SLC16A1: variants seen among roughly 807,000 people sequenced by gnomAD.
SLC16A1 encodes monocarboxylate transporter 1.
Under a neutral mutation model 32.2 loss-of-function variants are expected in SLC16A1, and 11 were observed. The ratio of observed to expected loss-of-function variants is 0.34; its 90% CI spans 0.21 to 0.56. The LOEUF (loss-of-function observed/expected upper bound fraction) is 0.56. Among genes scored for constraint, SLC16A1 ranks in the 20% least tolerant of loss-of-function variants. The pLI, the probability that SLC16A1 is intolerant of heterozygous loss-of-function variation, is 0.87. For missense variants in SLC16A1, 435 were observed against 615.0 expected, an observed-to-expected ratio of 0.71 and a Z score of 3.10; for synonymous variants, 231 against 226.8, an observed-to-expected ratio of 1.02 and a Z score of -0.17.
chr1:112,918,829 A>T (rs1177641377), intron 3 of SLC16A1, among the ~76,000 whole-genome samples: 1 of 152,080 alleles, frequency 6.6e-6, no homozygotes, highest in Non-Finnish European at 1.5e-5. Context: ...AAGAAATAAC[A>T]TATAGTACAA....
intron 1 of SLC16A1, among the ~76,000 whole-genome samples, chr1:112,930,981 A>C (rs577228105): frequency 8.5e-5 from 13 of 152,330 alleles, no homozygotes; most frequent in African/African-American, 2.9e-4. Context: ...GGCCTCCCAA[A>C]GTGCTGGGAT....
chr1:112,923,706 C>G (rs1273419663), intron 2 of SLC16A1: 106 of 1,538,408 alleles, frequency 6.9e-5, no homozygotes, highest in Non-Finnish European at 9.3e-5. Context: ...CCACAGCACC[C>G]CGGTGGAAGA....
chr1:112,919,270 G>A (rs1462798522), intron 3 of SLC16A1, among the ~76,000 whole-genome samples: 2 of 151,888 alleles, frequency 1.3e-5, no homozygotes, highest in African/African-American at 4.8e-5. Context: ...TCCTGACCTC[G>A]TGATCCACCT....
chr1:112,953,761 T>C (rs1372414735), intron 1 of SLC16A1, among the ~76,000 whole-genome samples: 1 of 152,184 alleles, frequency 6.6e-6, no homozygotes, highest in African/African-American at 2.4e-5. Flanking sequence ...CATCACTGTC[T>C]TGCCTGGCTA....
intron 2 of SLC16A1, chr1:112,923,471 A>T: frequency 1.3e-6 from 1 of 773,158 alleles, no homozygotes; most frequent in Non-Finnish European, 2.3e-6. Flanking sequence ...GGGGCGCCGT[A>T]GTCACCCGCG....
At chr1:112,950,991 T>A (rs1649872309) in intron 1 of SLC16A1, among the ~76,000 whole-genome samples, 1 of 151,836 alleles carries the variant, frequency 6.6e-6, no homozygotes, top group Non-Finnish European at 1.5e-5. Flanking sequence ...AGTGAATTTA[T>A]AAATTTATAA....
At chr1:112,926,036 G>C (rs911800529) in intron 2 of SLC16A1, among the ~76,000 whole-genome samples, 3 of 152,094 alleles carry the variant, frequency 2.0e-5, no homozygotes, top group African/African-American at 7.2e-5. Context: ...TAGGATTGTT[G>C]AAAGAATAAA....
intron 2 of SLC16A1, among the ~76,000 whole-genome samples, chr1:112,927,900 C>T (rs541590156): frequency 6.6e-6 from 1 of 152,246 alleles, no homozygotes; most frequent in East Asian, 1.9e-4. Flanking sequence ...CCTGGAGTAC[C>T]TCTGGGTAAT....
chr1:112,948,936 T>C (rs1051900515), intron 1 of SLC16A1, among the ~76,000 whole-genome samples: 1 of 152,244 alleles, frequency 6.6e-6, no homozygotes, highest in African/African-American at 2.4e-5. Flanking sequence ...GTTCACGCCT[T>C]TCTCCCGCCT....
At chr1:112,944,174 G>A (rs952011578) in intron 1 of SLC16A1, among the ~76,000 whole-genome samples, 2 of 152,164 alleles carry the variant, frequency 1.3e-5, no homozygotes, top group Non-Finnish European at 2.9e-5. Context: ...AATATGGCCA[G>A]GTATGGTGGC....
intron 1 of SLC16A1, chr1:112,955,258 A>G (rs1395733105): frequency 7.3e-6 from 1 of 136,188 alleles, no homozygotes; most frequent in African/African-American, 3.3e-5. Context: ...CGCATGCTGG[A>G]AAAAAAAAAA....
At chr1:112,932,513 C>A (rs1334710142) in intron 1 of SLC16A1, among the ~76,000 whole-genome samples, 1 of 151,580 alleles carries the variant, frequency 6.6e-6, no homozygotes, top group Admixed American at 6.6e-5. Context: ...AGAGCAAGAC[C>A]TTGTCTCGGC....
chr1:112,923,679 T>C, intron 2 of SLC16A1: 1 of 1,521,550 alleles, frequency 6.6e-7, no homozygotes, highest in East Asian at 2.3e-5. Context: ...GGACCTCTTC[T>C]ACCTGCTCAG....
chr1:112,921,057 C>T (rs549309308), intron 3 of SLC16A1, among the ~76,000 whole-genome samples: 7 of 150,972 alleles, frequency 4.6e-5, no homozygotes, highest in Admixed American at 2.0e-4. Flanking sequence ...AGGAGAATGA[C>T]GTGAATCCAG....
chr1:112,926,290 T>C (rs1270299752), intron 2 of SLC16A1, among the ~76,000 whole-genome samples: 1 of 152,242 alleles, frequency 6.6e-6, no homozygotes, highest in African/African-American at 2.4e-5. Context: ...TCTAAGGTGC[T>C]ACATCAAGAA....
In SLC16A1 at chr1:112,924,287, G is replaced by A. The variant is rs1648854594; in HGVS notation, c.218-2154C>T. On this transcript the variant is annotated intron_variant, in intron 2 of 4. Transcript: ENST00000369626. ...GGCCCCTGGAGCCAGATGTTGTGGA[G>A]GCCTTTAATCAAGCCTGGCAATTGG... is the stretch of plus-strand genomic sequence containing the variant. 5 of 1,440,476 alleles carry A rather than the reference G, an allele frequency of 3.5e-6. No homozygotes were observed. In the African/African-American group the frequency reaches 4.2e-5, roughly 12 times the overall value. 89.2% of individuals were successfully genotyped at this position (1,440,476 alleles called of 1,614,324 possible). A position where few individuals can be genotyped will look rare whatever the true frequency, so the allele number is the denominator to read the frequency against.
In SLC16A1 at chr1:112,914,182, A is replaced by C; in HGVS notation, c.1229-17T>G. On this transcript the variant is annotated splice_polypyrimidine_tract_variant and intron_variant, in intron 4 of 4. Transcript: ENST00000369626. ...TGAGCCGACCTAAATATGTAAAACA[A>C]CACAAACAGTTGTTTCTAAGAGTAA... 1 of 1,614,058 alleles carries C rather than the reference A, an allele frequency of 6.2e-7. No individual in the cohort carries two copies. Among genetic ancestry groups the C allele is most frequent in the Non-Finnish European group, 8.5e-7 (1 of 1,179,958 alleles).
intron 1 of SLC16A1, among the ~76,000 whole-genome samples, chr1:112,951,567 T>C (rs1649898140): frequency 6.6e-6 from 1 of 152,194 alleles, no homozygotes. Flanking sequence ...AGATTTGGAT[T>C]TAGTAGTGAT....
intron 4 of SLC16A1, among the ~76,000 whole-genome samples, 156 bp from the exon 5 acceptor site, chr1:112,914,321 T>G (rs544305101): frequency 6.6e-6 from 1 of 152,246 alleles, no homozygotes; most frequent in African/African-American, 2.4e-5. Context: ...GAAAATTAGC[T>G]GATCCTCTGT....
Sources: allele counts gnomAD v4.1 joint callset (sites outside exome capture counted in the v4.1 genomes callset), GRCh38; gene constraint gnomAD v4.1.1; transcripts MANE v1.5; gene names NCBI Gene and HGNC (gene_info 2026-07-23, HGNC 2026-07-21).